LYAR: variants seen among roughly 807,000 people sequenced by gnomAD.
The protein encoded by LYAR is cell growth-regulating nucleolar protein.
LYAR carries 37 observed loss-of-function variants against 45.2 expected under a neutral mutation model. The ratio of observed to expected loss-of-function variants is 0.82; its 90% CI spans 0.63 to 1.08. The LOEUF (loss-of-function observed/expected upper bound fraction) is 1.08, where lower values mean the gene tolerates loss of function less well. Among genes scored for constraint, LYAR ranks in the 50% least tolerant of loss-of-function variants. The pLI, the probability that LYAR is intolerant of heterozygous loss-of-function variation, is 0.00. For synonymous variants in LYAR, 176 were observed against 155.1 expected, an observed-to-expected ratio of 1.14 and a Z score of -1.00; for missense variants, 493 against 451.0, an observed-to-expected ratio of 1.09 and a Z score of -0.84.
intron 9 of LYAR, 35 bp downstream of exon 9, chr4:4,268,495 G>A (rs753323670): frequency 2.3e-6 from 3 of 1,309,878 alleles, no homozygotes; most frequent in East Asian, 4.6e-5. Context: ...GTTCTCCCCA[G>A]CTGTTAGACA....
At chr4:4,270,955 ATACT>A (rs147080538) in intron 8 of LYAR, among the ~76,000 whole-genome samples, 310 of 152,336 alleles carry the variant, frequency 2.0e-3, no homozygotes, top group African/African-American at 7.2e-3. Context: ...GCAATGTATG[ATACT>A]TACATCAGAG....
intron 3 of LYAR, 102 bp from the exon 4 acceptor site, chr4:4,281,999 T>G: frequency 1.4e-6 from 1 of 713,494 alleles, no homozygotes; most frequent in Admixed American, 2.0e-5. Context: ...CTGTATATTT[T>G]CACATGTGTC....
intron 6 of LYAR, among the ~76,000 whole-genome samples, chr4:4,276,584 C>G (rs902964709): frequency 3.3e-5 from 5 of 150,040 alleles, no homozygotes; most frequent in African/African-American, 4.9e-5. Flanking sequence ...AGGCCGGGTG[C>G]GGTGGCTCAT....
At position 4,279,468 on chromosome 4, in the gene LYAR, G is replaced by C. The variant is rs763209438; in HGVS notation, c.408C>G (p.Ile136Met). Residue 136 changes from isoleucine to methionine, a missense_variant, in exon 6 of 10, where the codon ATC (isoleucine) becomes ATG (methionine). Transcript: ENST00000343470. The stretch of plus-strand genomic sequence containing the variant: ...TTACGCTGTTGGAAGCTTCAGAAAA[G>C]ATATTCCACACCTGGTCCAGAATGG... ...NESILDQVWN[I>M]FSEASNSEPV... 1 of 1,611,782 alleles carries C rather than the reference G, an allele frequency of 6.2e-7. No individual in the cohort carries two copies. Among genetic ancestry groups the C allele is most frequent in the Non-Finnish European group, 8.5e-7 (1 of 1,178,222 alleles).
chr4:4,269,340 C>T (rs934796592), intron 8 of LYAR, among the ~76,000 whole-genome samples: 2 of 152,212 alleles, frequency 1.3e-5, no homozygotes, highest in African/African-American at 4.8e-5. Context: ...ATAATAACAA[C>T]CCTACTGCAG....
At chr4:4,289,215 C>G (rs544215505) in intron 1 of LYAR, among the ~76,000 whole-genome samples, 1 of 152,300 alleles carries the variant, frequency 6.6e-6, no homozygotes, top group Admixed American at 6.5e-5. Flanking sequence ...GATGAGCAAA[C>G]TGAGGCACAG....
intron 1 of LYAR, 71 bp from the exon 2 acceptor site, chr4:4,286,643 A>C (rs1719623867): frequency 1.1e-5 from 1 of 90,108 alleles, no homozygotes; most frequent in Non-Finnish European, 2.1e-5. Flanking sequence ...AAATTTAATT[A>C]AACTTTTTTT....
intron 6 of LYAR, 87 bp downstream of exon 6, chr4:4,279,360 C>A (rs1400782372): frequency 2.2e-6 from 2 of 912,078 alleles, no homozygotes; most frequent in African/African-American, 3.4e-5. Flanking sequence ...AAGAAGGCTG[C>A]CTTGACTTCC....
chr4:4,281,697 T>C, intron 4 of LYAR, 86 bp downstream of exon 4: 1 of 945,220 alleles, frequency 1.1e-6, no homozygotes, highest in South Asian at 1.4e-5. Flanking sequence ...TCTGCAGGGA[T>C]GACACATTTA....
intron 7 of LYAR, 133 bp from the exon 8 acceptor site, chr4:4,273,802 GTTT>G (rs777672975): frequency 1.2e-5 from 7 of 596,958 alleles, no homozygotes; most frequent in African/African-American, 1.9e-5. Flanking sequence ...CCCAGCCCCG[GTTT>G]ATAAAACCCC....
At chr4:4,286,180 C>CTAA (rs1446783114) in intron 2 of LYAR, among the ~76,000 whole-genome samples, 2 of 152,200 alleles carry the variant, frequency 1.3e-5, no homozygotes, top group Non-Finnish European at 2.9e-5. Context: ...GGCTAATGAG[C>CTAA]TAATGTCTGT....
chr4:4,281,517 C>T (rs1020550906), intron 4 of LYAR, among the ~76,000 whole-genome samples: 4 of 152,150 alleles, frequency 2.6e-5, no homozygotes, highest in Non-Finnish European at 5.9e-5. Context: ...GATGGGGTTT[C>T]ACCACGTTGT....
chr4:4,276,674 T>G (rs1417233230), intron 6 of LYAR, among the ~76,000 whole-genome samples: 1 of 151,858 alleles, frequency 6.6e-6, no homozygotes, highest in Non-Finnish European at 1.5e-5. Flanking sequence ...CTGGCCAACA[T>G]GGTGAAACCC....
At position 4,269,107 on chromosome 4, in the gene LYAR, T is replaced by C. The variant is rs115084990; in HGVS notation, c.920-492A>G. 4.8e-3 allele frequency among the ~76,000 whole-genome samples: 723 copies of C among 152,188 alleles called. 5 individuals are homozygous for C. Among genetic ancestry groups the C allele is most frequent in the African/African-American group, 0.016 (666 of 41,500 alleles). ...TACAACTGAGAACCCTGAAACTATA[T>C]AGGCAAGAAATGTAAGAAGACTCTG... On this transcript the variant is annotated intron_variant, in intron 8 of 9. Transcript: ENST00000343470.
chr4:4,276,543 CA>C (rs55900346), intron 6 of LYAR, among the ~76,000 whole-genome samples: 70,988 of 131,318 alleles, frequency 0.54, 18,354 homozygotes, highest in East Asian at 0.73. Context: ...AACTCTGTCT[CA>C]AAAAAAAAAA....
At position 4,271,479 on chromosome 4, in the gene LYAR, G is replaced by GT. The variant is rs1319209011; in HGVS notation, c.919+2103dup. Among the ~76,000 whole-genome samples, 8 of 152,312 alleles carry GT rather than the reference G, an allele frequency of 5.3e-5. No individual in the cohort carries two copies. The East Asian group carries it at 1.5e-3, about 29-fold the overall frequency. The stretch of plus-strand genomic sequence containing the variant: ...AAATAGTGCTGCAACAAACACGGGA[G>GT]TGCAGGTATCTCTTCAACACAGGGA... On this transcript the variant is annotated intron_variant, in intron 8 of 9. Transcript: ENST00000343470.
rs1198314357 is a variant in LYAR at position 4,273,571 on chromosome 4, G to GCAT, written c.919+11_919+12insATG. Reference sequence around the variant, plus strand: ...GCCCAGCCGTGCTCCTCAAATGACAGCAGTGATATACCTTTTGCAGGAGCC... The same window carrying GCAT: ...GCCCAGCCGTGCTCCTCAAATGACAGCATCAGTGATATACCTTTTGCAGGAGCC... On this transcript the variant is annotated intron_variant, in intron 8 of 9. Coordinates refer to ENST00000343470, the MANE Select transcript of LYAR (RefSeq NM_017816.3). 5 of 1,601,072 alleles carry GCAT rather than the reference G, an allele frequency of 3.1e-6. No individual in the cohort carries two copies. Among genetic ancestry groups the GCAT allele is most frequent in the Non-Finnish European group, 4.3e-6 (5 of 1,169,112 alleles).
chr4:4,279,572 G>T, intron 5 of LYAR, 42 bp from the exon 6 acceptor site: 1 of 1,555,888 alleles, frequency 6.4e-7, no homozygotes, highest in Non-Finnish European at 8.9e-7. Flanking sequence ...ATCCCACTTG[G>T]ACAGGTACAC....
intron 6 of LYAR, among the ~76,000 whole-genome samples, chr4:4,278,073 A>C (rs1318459688): frequency 6.6e-6 from 1 of 152,254 alleles, no homozygotes; most frequent in Non-Finnish European, 1.5e-5. Flanking sequence ...CTGCAGTTGA[A>C]GCAATTTCAA....
Sources: gnomAD v4.1 joint callset for allele counts (sites outside exome capture counted in the v4.1 genomes callset) on GRCh38, gnomAD v4.1.1 for gene constraint, MANE v1.5 for transcripts, NCBI Gene and HGNC (gene_info 2026-07-23, HGNC 2026-07-21) for gene names.